CRTC3: variants seen among roughly 807,000 people sequenced by gnomAD.
CRTC3 encodes CREB regulated transcription coactivator 3, also known as CREB-regulated transcription coactivator 3.
Under a neutral mutation model 74.5 loss-of-function variants are expected in CRTC3, and 26 were observed. That is an observed-to-expected ratio of 0.35 (90% CI 0.26 to 0.48). CRTC3 has a LOEUF of 0.48. Ranked by LOEUF, CRTC3 falls within the 20% of genes least tolerant of loss-of-function variation. The pLI, the probability that CRTC3 is intolerant of heterozygous loss-of-function variation, is 0.99. For synonymous variants in CRTC3, 377 were observed against 325.8 expected, an observed-to-expected ratio of 1.16 and a Z score of -1.69; for missense variants, 760 against 787.3, an observed-to-expected ratio of 0.97 and a Z score of 0.41.
At chr15:90,542,997 A>T (rs1006010491) in intron 2 of CRTC3, among the ~76,000 whole-genome samples, 1 of 152,044 alleles carries the variant, frequency 6.6e-6, no homozygotes, top group Non-Finnish European at 1.5e-5. Flanking sequence ...GTTCTCTTTT[A>T]TCAATTAAGG....
intron 7 of CRTC3, 26 bp downstream of exon 7, chr15:90,614,514 A>G (rs766042361): frequency 6.6e-7 from 1 of 1,521,814 alleles, no homozygotes; most frequent in South Asian, 1.1e-5. Flanking sequence ...ACCTACCTAT[A>G]TTGGAGTGGG....
At chr15:90,589,540 TAG>T (rs1765448493) in intron 2 of CRTC3, among the ~76,000 whole-genome samples, 1 of 152,080 alleles carries the variant, frequency 6.6e-6, no homozygotes, top group Admixed American at 6.5e-5. Context: ...AAAATTTTTG[TAG>T]AGACAGGGTC....
At chr15:90,628,290 C>T (rs935345423) in intron 10 of CRTC3, among the ~76,000 whole-genome samples, 3 of 152,080 alleles carry the variant, frequency 2.0e-5, no homozygotes, top group Non-Finnish European at 4.4e-5. Context: ...TCTTCCTTTT[C>T]GTAACTTTTA....
At chr15:90,560,706 G>A (rs924571714) in intron 2 of CRTC3, among the ~76,000 whole-genome samples, 4 of 152,174 alleles carry the variant, frequency 2.6e-5, no homozygotes, top group African/African-American at 7.2e-5. Context: ...TGAGAGCAGC[G>A]CCCAGATGCT....
chr15:90,638,729 C>T lies in CRTC3; in HGVS notation c.1468-6C>T. ...AGCTAAATGATCATCTCCTTATTCC[C>T]TGAAGGGCTCATCTTTGACCAACTT... On this transcript the variant is annotated splice_region_variant and splice_polypyrimidine_tract_variant and intron_variant, in intron 12 of 14. Coordinates refer to ENST00000268184, the MANE Select transcript of CRTC3 (RefSeq NM_022769.5). 1 of 1,614,022 alleles carries T rather than the reference C, an allele frequency of 6.2e-7. No individual in the cohort carries two copies. The highest frequency in any genetic ancestry group is 8.5e-7 in the Non-Finnish European group (1 of 1,179,900).
intron 2 of CRTC3, among the ~76,000 whole-genome samples, chr15:90,592,057 C>T (rs1967812883): frequency 1.3e-5 from 2 of 152,088 alleles, no homozygotes; most frequent in Admixed American, 1.3e-4. Flanking sequence ...TAATTTGGCC[C>T]AGAGATTTTA....
At chr15:90,613,089 A>C (rs1350608033) in intron 6 of CRTC3, among the ~76,000 whole-genome samples, 1 of 125,590 alleles carries the variant, frequency 8.0e-6, no homozygotes. Flanking sequence ...AATCCCAACT[A>C]CTGGGGAGGC....
At chr15:90,620,774 G>C (rs1158897296) in intron 9 of CRTC3, among the ~76,000 whole-genome samples, 1 of 152,192 alleles carries the variant, frequency 6.6e-6, no homozygotes, top group East Asian at 1.9e-4. Context: ...TTGGAAATGG[G>C]ATTCTTGCAT....
At chr15:90,551,120 C>G (rs1181628676) in intron 2 of CRTC3, among the ~76,000 whole-genome samples, 1 of 152,078 alleles carries the variant, frequency 6.6e-6, no homozygotes, top group African/African-American at 2.4e-5. Context: ...ACTGAGTCTC[C>G]TTAGGTAAAT....
intron 10 of CRTC3, among the ~76,000 whole-genome samples, chr15:90,627,195 C>A (rs1968867933): frequency 6.6e-6 from 1 of 152,222 alleles, no homozygotes; most frequent in Non-Finnish European, 1.5e-5. Flanking sequence ...GCAACACAAT[C>A]TTAGGTTTGA....
At chr15:90,602,517 A>C in intron 4 of CRTC3, 132 bp downstream of exon 4, 1 of 615,060 alleles carries the variant, frequency 1.6e-6, no homozygotes, top group East Asian at 2.9e-5. Flanking sequence ...TATAACATTT[A>C]ATTTCAGTGG....
intron 6 of CRTC3, 58 bp downstream of exon 6, chr15:90,607,536 C>T (rs1477937582): frequency 9.1e-6 from 10 of 1,099,398 alleles, no homozygotes; most frequent in Non-Finnish European, 1.4e-5. Flanking sequence ...GTCCTAGGAA[C>T]CAAGGGAGAG....
At chr15:90,554,071 A>T (rs1966870222) in intron 2 of CRTC3, among the ~76,000 whole-genome samples, 1 of 152,202 alleles carries the variant, frequency 6.6e-6, no homozygotes, top group Non-Finnish European at 1.5e-5. Flanking sequence ...TCTTTGCCTC[A>T]TTTTTCTCAC....
chr15:90,552,210 G>T (rs1272113181), intron 2 of CRTC3, among the ~76,000 whole-genome samples: 3 of 152,192 alleles, frequency 2.0e-5, no homozygotes, highest in Admixed American at 6.5e-5. Flanking sequence ...AGCCCAGTTA[G>T]TCCTCGTTTA....
intron 2 of CRTC3, among the ~76,000 whole-genome samples, chr15:90,565,487 C>T (rs1168186778): frequency 1.3e-5 from 2 of 152,098 alleles, no homozygotes; most frequent in East Asian, 1.9e-4. Context: ...ATGCAATGTG[C>T]TCTTGTATAC....
intron 14 of CRTC3, 116 bp from the exon 15 acceptor site, chr15:90,641,816 G>T (rs1969455582): frequency 6.5e-6 from 5 of 766,256 alleles, no homozygotes; most frequent in African/African-American, 1.7e-5. Context: ...GCCTGGGGGT[G>T]GTCAGGATGT....
intron 5 of CRTC3, among the ~76,000 whole-genome samples, chr15:90,605,111 G>A (rs1968181883): frequency 6.6e-6 from 1 of 151,828 alleles, no homozygotes; most frequent in African/African-American, 2.4e-5. Flanking sequence ...AAAAAAAAAG[G>A]CGTGGTGGCA....
At chr15:90,538,100 TAGTA>T (rs893666288) in intron 1 of CRTC3, among the ~76,000 whole-genome samples, 2 of 152,250 alleles carry the variant, frequency 1.3e-5, no homozygotes, top group Non-Finnish European at 2.9e-5. Flanking sequence ...ACATTCATCT[TAGTA>T]AGCCAGTGCC....
chr15:90,608,241 C>CTGA (rs1968276045), intron 6 of CRTC3, among the ~76,000 whole-genome samples: 1 of 152,186 alleles, frequency 6.6e-6, no homozygotes, highest in African/African-American at 2.4e-5. Context: ...GAACCCAAAC[C>CTGA]TGATCATCTT....
Sources: gnomAD v4.1 joint callset for allele counts (sites outside exome capture counted in the v4.1 genomes callset) on GRCh38, gnomAD v4.1.1 for gene constraint, MANE v1.5 for transcripts, NCBI Gene and HGNC (gene_info 2026-07-23, HGNC 2026-07-21) for gene names.